The following NEK1 variants were observed in gnomAD, a reference collection of about 807,000 sequenced individuals.
NEK1 encodes the protein NIMA related kinase 1, also known as serine/threonine-protein kinase Nek1.
A neutral mutation model predicts 182.1 loss-of-function variants in NEK1; 137 were observed. The ratio of observed to expected loss-of-function variants is 0.75; its 90% CI spans 0.65 to 0.87. The LOEUF (loss-of-function observed/expected upper bound fraction) is 0.87, where lower values mean the gene tolerates loss of function less well. NEK1 is among the 40% of genes least tolerant of loss of function. The pLI, the probability that NEK1 is intolerant of heterozygous loss-of-function variation, is 0.00. For missense variants in NEK1, 1,391 were observed against 1,494.4 expected (o/e 0.93, Z 1.14); for synonymous variants, 513 against 492.2 (o/e 1.04, Z -0.56).
intron 29 of NEK1, 61 bp downstream of exon 29, chr4:169,433,484 T>C: frequency 6.7e-7 from 1 of 1,497,074 alleles, no homozygotes. Flanking sequence ...TTATAGTATT[T>C]TCTTAAAAGT....
intron 23 of NEK1, among the ~76,000 whole-genome samples, chr4:169,499,109 T>C (rs1751933576): frequency 6.6e-6 from 1 of 152,196 alleles, no homozygotes; most frequent in African/African-American, 2.4e-5. Flanking sequence ...TGTTTCTTTT[T>C]ATTCTTTTTT....
At chr4:169,474,765 C>G (rs546558276) in intron 26 of NEK1, among the ~76,000 whole-genome samples, 1 of 152,178 alleles carries the variant, frequency 6.6e-6, no homozygotes, top group Non-Finnish European at 1.5e-5. Context: ...CATAAAGCCC[C>G]TATAAGTCTG....
At chr4:169,437,958 A>G in intron 28 of NEK1, 125 bp downstream of exon 28, 1 of 737,340 alleles carries the variant, frequency 1.4e-6, no homozygotes. Context: ...AAATATAAAA[A>G]TACTGAACCT....
At chr4:169,460,875 C>CA (rs1396221380) in intron 27 of NEK1, among the ~76,000 whole-genome samples, 1 of 152,030 alleles carries the variant, frequency 6.6e-6, no homozygotes, top group Non-Finnish European at 1.5e-5. Context: ...AGTCATAAGA[C>CA]AAACTGTTAT....
intron 23 of NEK1, among the ~76,000 whole-genome samples, chr4:169,497,096 T>C (rs1751459774): frequency 6.6e-6 from 1 of 152,230 alleles, no homozygotes; most frequent in Non-Finnish European, 1.5e-5. Context: ...GTTATTGGTC[T>C]ATTCAGGGAT....
At chr4:169,400,721 A>G (rs1731519570) in intron 33 of NEK1, 70 bp from the exon 34 acceptor site, 2 of 1,098,172 alleles carry the variant, frequency 1.8e-6, no homozygotes, top group East Asian at 5.5e-5. Context: ...ATAGACTAAA[A>G]TTCTATGACA....
At chr4:169,543,292 T>C (rs551801522) in intron 18 of NEK1, among the ~76,000 whole-genome samples, 1 of 152,268 alleles carries the variant, frequency 6.6e-6, no homozygotes, top group African/African-American at 2.4e-5. Context: ...GAGCAGATGG[T>C]TGTAGATGTG....
chr4:169,551,158 T>C (rs1761370495), intron 18 of NEK1, among the ~76,000 whole-genome samples: 1 of 152,210 alleles, frequency 6.6e-6, no homozygotes, highest in Non-Finnish European at 1.5e-5. Flanking sequence ...CTTCATCTCC[T>C]ATGCTACTTT....
In NEK1 at chr4:169,438,269, CAA is replaced by C. The variant is rs374055570; in HGVS notation, c.2588-12_2588-11del. The C allele has an allele frequency of 9.7e-4, 1,459 of 1,511,600 alleles. 24 individuals are homozygous for C. In the African/African-American group the frequency reaches 0.018, roughly 19 times the overall value. 93.6% of individuals were successfully genotyped at this position (1,511,600 alleles called of 1,614,324 possible). Reference sequence around the variant, plus strand: ...CCTTCGGGAGAAATCTCTGTGAAAACAAAAAATAAAAAATCATGCTAGTTCTC... The same window carrying C: ...CCTTCGGGAGAAATCTCTGTGAAAACAAAATAAAAAATCATGCTAGTTCTC... On this transcript the variant is annotated splice_polypyrimidine_tract_variant and intron_variant, in intron 27 of 35. Coordinates refer to ENST00000507142, the MANE Select transcript of NEK1 (RefSeq NM_001199397.3).
chr4:169,430,705 A>G (rs1449917388), intron 29 of NEK1, among the ~76,000 whole-genome samples: 1 of 152,230 alleles, frequency 6.6e-6, no homozygotes, highest in Non-Finnish European at 1.5e-5. Flanking sequence ...CAAAACTTGT[A>G]GAATGTACCA....
intron 27 of NEK1, among the ~76,000 whole-genome samples, chr4:169,438,913 T>C (rs749837507): frequency 7.2e-5 from 11 of 152,204 alleles, no homozygotes; most frequent in Non-Finnish European, 1.3e-4. Flanking sequence ...CTTAGAGAAC[T>C]TGTCATTAAT....
intron 19 of NEK1, among the ~76,000 whole-genome samples, chr4:169,537,186 C>T (rs139936723): frequency 3.1e-4 from 47 of 152,176 alleles, no homozygotes; most frequent in African/African-American, 1.1e-3. Flanking sequence ...TGAACCTCTA[C>T]AAATCAAACT....
In NEK1 at chr4:169,463,356, C is replaced by G; in HGVS notation, c.2474G>C (p.Gly825Ala). 6.2e-7 allele frequency: 1 copy of G among 1,609,006 alleles called. No homozygotes were observed. The highest frequency in any genetic ancestry group is 8.5e-7 in the Non-Finnish European group (1 of 1,176,880). Residue 825 changes from glycine (G) to alanine (A), a missense_variant, in exon 27 of 36, where the codon GGA becomes GCA. Around this residue, in one of 5 missense-constraint regions of NEK1, gnomAD observed 1,216 missense variants for 1,277.6 expected, o/e 0.95. Coordinates refer to ENST00000507142, the MANE Select transcript of NEK1 (RefSeq NM_001199397.3). ...TTTCCCCCAGGCTCTTCTTGGAGATCCATTAGGACCTAATTTAATAACTTC... is the reference window on the plus strand; with the variant it reads ...TTTCCCCCAGGCTCTTCTTGGAGATGCATTAGGACCTAATTTAATAACTTC... ...VGEVIKLGPN[G>A]SPRRAWGKSP...
chr4:169,554,517 T>C (rs1480331141), intron 18 of NEK1: 3 of 150,202 alleles, frequency 2.0e-5, no homozygotes, highest in South Asian at 4.2e-4. Flanking sequence ...TATGAAGATA[T>C]ACGGAGGCAC....
At chr4:169,596,928 T>G (rs1274986148) in intron 5 of NEK1, among the ~76,000 whole-genome samples, 1 of 152,102 alleles carries the variant, frequency 6.6e-6, no homozygotes, top group Non-Finnish European at 1.5e-5. Context: ...ACTTCACTGA[T>G]GGATGAACTA....
At chr4:169,569,421 TCTCTCC>T (rs1183407982) in intron 12 of NEK1, among the ~76,000 whole-genome samples, 12 of 150,586 alleles carry the variant, frequency 8.0e-5, no homozygotes, top group East Asian at 2.0e-4. Context: ...GAATAAAAGC[TCTCTCC>T]CTCTCCCTCT....
intron 16 of NEK1, among the ~76,000 whole-genome samples, chr4:169,557,582 G>C (rs907622488): frequency 2.0e-5 from 3 of 152,084 alleles, no homozygotes; most frequent in African/African-American, 7.2e-5. Flanking sequence ...ACAATAATGA[G>C]AGTAAAAAAG....
At chr4:169,433,031 C>T (rs1737724546) in intron 29 of NEK1, among the ~76,000 whole-genome samples, 1 of 151,982 alleles carries the variant, frequency 6.6e-6, no homozygotes, top group African/African-American at 2.4e-5. Context: ...TCCCAAAGTA[C>T]TGGGAATACA....
intron 19 of NEK1, among the ~76,000 whole-genome samples, chr4:169,513,712 T>C (rs1754576702): frequency 6.6e-6 from 1 of 152,198 alleles, no homozygotes; most frequent in Non-Finnish European, 1.5e-5. Context: ...CAGATGCCTA[T>C]TGTGAGGTTC....
Sources: gnomAD v4.1 joint callset for allele counts (sites outside exome capture counted in the v4.1 genomes callset) on GRCh38, gnomAD v4.1.1 for gene constraint, gnomAD v4.1.1 regional missense constraint, MANE v1.5 for transcripts, NCBI Gene and HGNC (gene_info 2026-07-23, HGNC 2026-07-21) for gene names.